The following TM9SF3 variants were observed in gnomAD, a reference collection of about 807,000 sequenced individuals.
TM9SF3 encodes SM-11044-binding protein.
A neutral mutation model predicts 78.6 loss-of-function variants in TM9SF3; 14 were observed. That is an observed-to-expected ratio of 0.18 (90% CI 0.12 to 0.28). TM9SF3 has a LOEUF of 0.28. TM9SF3 is among the 10% of genes least tolerant of loss of function. TM9SF3 has a pLI of 1.00. For synonymous variants in TM9SF3, 231 were observed against 241.7 expected (o/e 0.96, Z 0.41); for missense variants, 496 against 721.9 (o/e 0.69, Z 3.59).
intron 9 of TM9SF3, among the ~76,000 whole-genome samples, chr10:96,536,674 G>A (rs1320051555): frequency 6.6e-6 from 1 of 152,106 alleles, no homozygotes; most frequent in East Asian, 1.9e-4. Context: ...CAGCATCCCT[G>A]AGACACCCCT....
intron 5 of TM9SF3, among the ~76,000 whole-genome samples, chr10:96,559,144 C>A (rs551561066): frequency 6.6e-6 from 1 of 152,046 alleles, no homozygotes. Context: ...GATCTCAATC[C>A]GTTCTCTCAT....
At chr10:96,568,993 G>C (rs1848409575) in intron 2 of TM9SF3, among the ~76,000 whole-genome samples, 1 of 152,056 alleles carries the variant, frequency 6.6e-6, no homozygotes, top group Admixed American at 6.6e-5. Context: ...TTCGAGACCA[G>C]CCTGAGCAAC....
intron 2 of TM9SF3, among the ~76,000 whole-genome samples, chr10:96,573,975 G>A (rs1848468467): frequency 6.6e-6 from 1 of 152,166 alleles, no homozygotes; most frequent in Non-Finnish European, 1.5e-5. Flanking sequence ...AAAAATCCTA[G>A]AAGAAAACCT....
At chr10:96,554,161 G>A (rs1247051104) in intron 5 of TM9SF3, among the ~76,000 whole-genome samples, 1 of 152,032 alleles carries the variant, frequency 6.6e-6, no homozygotes, top group Non-Finnish European at 1.5e-5. Context: ...AAACAATAAA[G>A]GTAAAGCAAA....
chr10:96,554,018 C>T (rs907357065), intron 5 of TM9SF3, among the ~76,000 whole-genome samples: 6 of 152,134 alleles, frequency 3.9e-5, no homozygotes, highest in Non-Finnish European at 5.9e-5. Context: ...CACAACCTTT[C>T]CACATCCAGT....
At chr10:96,544,329 A>T in intron 8 of TM9SF3, 123 bp from the exon 9 acceptor site, 1 of 904,208 alleles carries the variant, frequency 1.1e-6, no homozygotes, top group South Asian at 2.2e-5. Context: ...ATAATAGCTA[A>T]CAAATACCAA....
At position 96,519,556 on chromosome 10, in the gene TM9SF3, G is replaced by C. The variant is rs1055875779; in HGVS notation, c.*2707C>G. 1 of 151,930 alleles carries C rather than the reference G, an allele frequency of 6.6e-6. No homozygotes were observed. Among genetic ancestry groups the C allele is most frequent in the African/African-American group, 2.4e-5 (1 of 41,426 alleles). The allele number at this position is 151,930 out of a possible 1,614,324, so 9.4% of individuals were successfully genotyped here. A position where few individuals can be genotyped will look rare whatever the true frequency, so the allele number is the denominator to read the frequency against. On this transcript the variant is annotated 3_prime_UTR_variant, in exon 15 of 15. Coordinates refer to ENST00000371142, the MANE Select transcript of TM9SF3 (RefSeq NM_020123.4). ...AAATTTCAGGAGAAGCATGCTTAAA[G>C]ATACACAAGGAATGTTTAGCCTTAG...
At chr10:96,537,979 T>C (rs768682343) in intron 9 of TM9SF3, among the ~76,000 whole-genome samples, 1 of 152,216 alleles carries the variant, frequency 6.6e-6, no homozygotes, top group East Asian at 1.9e-4. Context: ...AATTGTGCTA[T>C]AGATTCAATG....
intron 3 of TM9SF3, among the ~76,000 whole-genome samples, chr10:96,564,248 C>T (rs1051992894): frequency 1.3e-5 from 2 of 151,982 alleles, no homozygotes; most frequent in African/African-American, 2.4e-5. Context: ...GCTATCATGG[C>T]ATCACTGCAC....
chr10:96,560,875 G>A (rs1219904159), intron 4 of TM9SF3: 3 of 533,436 alleles, frequency 5.6e-6, no homozygotes, highest in African/African-American at 3.8e-5. Flanking sequence ...ACCTAGTTCT[G>A]TAGAAAACAT....
At chr10:96,550,295 C>T (rs1022630940) in intron 7 of TM9SF3, among the ~76,000 whole-genome samples, 4 of 152,148 alleles carry the variant, frequency 2.6e-5, no homozygotes, top group African/African-American at 9.7e-5. Context: ...ATGACCTGAT[C>T]CTTACTCTCA....
In TM9SF3 at chr10:96,527,193, C is replaced by G; in HGVS notation, c.1702+20G>C. On this transcript the variant is annotated intron_variant, in intron 14 of 14. Transcript: ENST00000371142. ...GAAACTCAGATTTACTCATGATGTT[C>G]AAAGAATTTCAAAACTTACCACACA... is the stretch of plus-strand genomic sequence containing the variant. The G allele has an allele frequency of 1.3e-6, 2 of 1,594,018 alleles. No individual in the cohort carries two copies. Among genetic ancestry groups the G allele is most frequent in the Non-Finnish European group, 1.7e-6 (2 of 1,168,566 alleles).
At chr10:96,534,509 C>T (rs200269003) in intron 9 of TM9SF3, among the ~76,000 whole-genome samples, 1 of 103,644 alleles carries the variant, frequency 9.6e-6, no homozygotes, top group South Asian at 2.9e-4. Flanking sequence ...TTCTTAATAA[C>T]TACAAGACTC....
In TM9SF3 at chr10:96,521,259, G is replaced by GA. The variant is rs1378022734; in HGVS notation, c.*1003_*1004insT. The GA allele has an allele frequency of 5.3e-6, 1 of 190,118 alleles. No individual in the cohort carries two copies. Among genetic ancestry groups the GA allele is most frequent in the Non-Finnish European group, 1.1e-5 (1 of 93,078 alleles). The allele number at this position is 190,118 out of a possible 1,614,324, so 11.8% of individuals were successfully genotyped here. ...CTACACCAATCATCATAAGAAAAAA[G>GA]TACTCTGTAGTCGATCTGTACATCC... On this transcript the variant is annotated 3_prime_UTR_variant, in exon 15 of 15. Transcript: ENST00000371142.
chr10:96,540,144 T>C (rs1848004854), intron 9 of TM9SF3, among the ~76,000 whole-genome samples: 1 of 152,256 alleles, frequency 6.6e-6, no homozygotes, highest in Non-Finnish European at 1.5e-5. Context: ...TTTATATTAC[T>C]AGTTTCTTCC....
At chr10:96,582,289 C>G (rs1404465311) in intron 1 of TM9SF3, among the ~76,000 whole-genome samples, 2 of 152,180 alleles carry the variant, frequency 1.3e-5, no homozygotes, top group African/African-American at 4.8e-5. Context: ...GTAGAAAAGA[C>G]AAGACTGGCG....
At chr10:96,557,564 T>C (rs997495077) in intron 5 of TM9SF3, among the ~76,000 whole-genome samples, 2 of 152,154 alleles carry the variant, frequency 1.3e-5, no homozygotes, top group Non-Finnish European at 2.9e-5. Flanking sequence ...CCTGCCCCCT[T>C]TGCATTTAAG....
At chr10:96,569,127 G>A (rs910473390) in intron 2 of TM9SF3, among the ~76,000 whole-genome samples, 2 of 152,068 alleles carry the variant, frequency 1.3e-5, no homozygotes, top group Non-Finnish European at 2.9e-5. Flanking sequence ...GCTGTGATGG[G>A]ACCACTGCAC....
chr10:96,566,290 T>A (rs1342046899), intron 2 of TM9SF3, among the ~76,000 whole-genome samples: 1 of 152,250 alleles, frequency 6.6e-6, no homozygotes, highest in Non-Finnish European at 1.5e-5. Flanking sequence ...TATTGGTTAT[T>A]TGAAACATGA....
Sources: allele counts gnomAD v4.1 joint callset (sites outside exome capture counted in the v4.1 genomes callset), GRCh38; gene constraint gnomAD v4.1.1; transcripts MANE v1.5; gene names NCBI Gene and HGNC (gene_info 2026-07-23, HGNC 2026-07-21).